The following CLOCK variants were observed in gnomAD, a reference collection of about 807,000 sequenced individuals.
CLOCK encodes the protein circadian locomoter output cycles protein kaput.
CLOCK carries 43 observed loss-of-function variants against 118.4 expected under a neutral mutation model. The ratio of observed to expected loss-of-function variants is 0.36; its 90% CI spans 0.28 to 0.47. CLOCK has a LOEUF of 0.47. Among genes scored for constraint, CLOCK ranks in the 20% least tolerant of loss-of-function variants. The probability of loss-of-function intolerance (pLI) is 1.00; values close to 1 mark genes in which losing one functional copy is unlikely to be tolerated. For synonymous variants in CLOCK, 326 were observed against 339.2 expected (o/e 0.96, Z 0.43); for missense variants, 846 against 999.9 (o/e 0.85, Z 2.08).
rs1020784541 is a variant in CLOCK, at chr4:55,432,453, G to T, written c.*2962C>A. On this transcript the variant is annotated 3_prime_UTR_variant, in exon 23 of 23. Coordinates refer to ENST00000513440, the MANE Select transcript of CLOCK (RefSeq NM_004898.4). Reference sequence around the variant, plus strand: ...CCAGAATAAGTGTTTTTAAGAAAGTGAGAATAAAGCAGAGGGAAGACTTTT... The same window carrying T: ...CCAGAATAAGTGTTTTTAAGAAAGTTAGAATAAAGCAGAGGGAAGACTTTT... 1 of 146,612 alleles carries T rather than the reference G, an allele frequency of 6.8e-6. No individual in the cohort carries two copies. The highest frequency in any genetic ancestry group is 1.5e-5 in the Non-Finnish European group (1 of 66,754). 9.1% of individuals were successfully genotyped at this position (146,612 alleles called of 1,614,324 possible).
intron 1 of CLOCK, among the ~76,000 whole-genome samples, chr4:55,525,299 C>T (rs935347080): frequency 1.3e-5 from 2 of 152,080 alleles, no homozygotes; most frequent in Admixed American, 1.3e-4. Flanking sequence ...ATACCCTGTT[C>T]TTTAGAAAAA....
At chr4:55,542,109 G>A (rs1731305718) in intron 1 of CLOCK, among the ~76,000 whole-genome samples, 1 of 151,888 alleles carries the variant, frequency 6.6e-6, no homozygotes, top group Non-Finnish European at 1.5e-5. Flanking sequence ...GGGAGGCCGA[G>A]GTGGGCGGAT....
intron 2 of CLOCK, among the ~76,000 whole-genome samples, chr4:55,497,156 G>A (rs533979996): frequency 6.6e-6 from 1 of 152,144 alleles, no homozygotes; most frequent in Non-Finnish European, 1.5e-5. Flanking sequence ...TGTTGGCAGG[G>A]CTGAATTCCC....
chr4:55,531,666 C>T (rs1730551655), intron 1 of CLOCK, among the ~76,000 whole-genome samples: 1 of 130,796 alleles, frequency 7.6e-6, no homozygotes. Context: ...GATCACGCCA[C>T]TGTATTCCAG....
intron 6 of CLOCK, among the ~76,000 whole-genome samples, chr4:55,478,590 C>G (rs895456493): frequency 1.3e-5 from 2 of 152,164 alleles, no homozygotes; most frequent in African/African-American, 4.8e-5. Context: ...CTTGACTTAA[C>G]TTCAAATCCA....
At position 55,435,522 on chromosome 4, in the gene CLOCK, T is replaced by C; in HGVS notation, c.2434A>G (p.Thr812Ala). 1.9e-6 allele frequency: 3 copies of C among 1,614,010 alleles called. No homozygotes were observed. The highest frequency in any genetic ancestry group is 2.5e-6 in the Non-Finnish European group (3 of 1,179,910). Residue 812 changes from threonine (T) to alanine (A), a missense_variant, in exon 23 of 23, where the codon ACC becomes GCC. This residue lies in a region of CLOCK where 520 missense variants were observed against 558.0 expected (regional missense o/e 0.93). Coordinates refer to ENST00000513440, the MANE Select transcript of CLOCK (RefSeq NM_004898.4). ...LSAAFPLQQS[T>A]FPQSHHQQHQ... ...TGCTGGTGATGTGACTGAGGGAAGG[T>C]GCTCTGTTGTAGAGGAAATGCAGCA...
chr4:55,546,464 C>T (rs1023871281), intron 1 of CLOCK: 1 of 152,348 alleles, frequency 6.6e-6, no homozygotes, highest in Non-Finnish European at 1.5e-5. Flanking sequence ...CGCTCCCTCC[C>T]CTTCCCCGCG....
intron 21 of CLOCK, among the ~76,000 whole-genome samples, chr4:55,440,278 G>A (rs139648665): frequency 2.2e-3 from 328 of 152,130 alleles, no homozygotes; most frequent in African/African-American, 7.2e-3. Context: ...ATTCATCAAC[G>A]CAGCATAGCG....
chr4:55,475,281 T>A (rs1726430413), intron 7 of CLOCK, among the ~76,000 whole-genome samples: 1 of 152,192 alleles, frequency 6.6e-6, no homozygotes, highest in Admixed American at 6.5e-5. Context: ...ATGTGACTGA[T>A]TGCTGCAATC....
At chr4:55,503,810 C>T (rs1188345478) in intron 2 of CLOCK, among the ~76,000 whole-genome samples, 2 of 151,848 alleles carry the variant, frequency 1.3e-5, no homozygotes, top group Admixed American at 1.3e-4. Flanking sequence ...CTTCCCATAA[C>T]ATGAGGTCAA....
chr4:55,532,046 C>T (rs956229559), intron 1 of CLOCK, among the ~76,000 whole-genome samples: 4 of 151,994 alleles, frequency 2.6e-5, no homozygotes, highest in African/African-American at 9.7e-5. Flanking sequence ...GGGTAATATA[C>T]CACATTAATA....
intron 5 of CLOCK, 163 bp from the exon 6 acceptor site, chr4:55,479,126 T>G: frequency 1.8e-6 from 1 of 562,526 alleles, no homozygotes; most frequent in Non-Finnish European, 2.9e-6. Context: ...GGCAATAATT[T>G]TTCAGCTCAG....
At chr4:55,479,491 C>G in intron 5 of CLOCK, 149 bp downstream of exon 5, 1 of 651,120 alleles carries the variant, frequency 1.5e-6, no homozygotes, top group Admixed American at 2.6e-5. Flanking sequence ...TTATAAACTA[C>G]ATACCAATAT....
At chr4:55,495,812 G>A (rs1450728598) in intron 2 of CLOCK, among the ~76,000 whole-genome samples, 1 of 151,994 alleles carries the variant, frequency 6.6e-6, no homozygotes, top group Non-Finnish European at 1.5e-5. Context: ...TCAATTTTAA[G>A]CATCTAAGCC....
chr4:55,469,663 T>C (rs1053427836), intron 8 of CLOCK, among the ~76,000 whole-genome samples: 7 of 152,300 alleles, frequency 4.6e-5, no homozygotes, highest in African/African-American at 1.7e-4. Flanking sequence ...AAAAAAGCTT[T>C]TGAAATAAAG....
At chr4:55,473,067 T>TA (rs960681745) in intron 7 of CLOCK, among the ~76,000 whole-genome samples, 8 of 151,682 alleles carry the variant, frequency 5.3e-5, no homozygotes, top group South Asian at 2.1e-4. Flanking sequence ...CTACTAAAAA[T>TA]AAAAAAAATT....
intron 2 of CLOCK, among the ~76,000 whole-genome samples, chr4:55,494,340 A>G (rs899462095): frequency 2.6e-5 from 4 of 152,158 alleles, no homozygotes; most frequent in Non-Finnish European, 5.9e-5. Flanking sequence ...CCTTATGAAG[A>G]TGTTATGTCA....
At chr4:55,443,995 A>G (rs1723584570) in intron 19 of CLOCK, 99 bp from the exon 20 acceptor site, 4 of 1,056,124 alleles carry the variant, frequency 3.8e-6, no homozygotes, top group African/African-American at 1.6e-5. Flanking sequence ...TATGTTTAAA[A>G]AGCAAGTAAC....
At chr4:55,503,978 T>TTAA (rs1553900256) in intron 2 of CLOCK, among the ~76,000 whole-genome samples, 28 of 71,146 alleles carry the variant, frequency 3.9e-4, no homozygotes, top group South Asian at 2.8e-3. Context: ...CAAAAAGAGG[T>TTAA]AAAAAAAAAA....
Sources: allele counts gnomAD v4.1 joint callset (sites outside exome capture counted in the v4.1 genomes callset), GRCh38; gene constraint gnomAD v4.1.1; regional missense constraint gnomAD v4.1.1; transcripts MANE v1.5; gene names NCBI Gene and HGNC (gene_info 2026-07-23, HGNC 2026-07-21).